The following MYO16 variants were observed in gnomAD, a reference collection of about 807,000 sequenced individuals.
The protein encoded by MYO16 is unconventional myosin-XVI.
In MYO16, 94 loss-of-function variants were observed where a neutral mutation model predicts 205.3. The ratio of observed to expected loss-of-function variants is 0.46; its 90% CI spans 0.39 to 0.54. The LOEUF is 0.54. Among genes scored for constraint, MYO16 ranks in the 20% least tolerant of loss-of-function variants. The probability of loss-of-function intolerance (pLI) is 0.00; values close to 1 mark genes in which losing one functional copy is unlikely to be tolerated. For synonymous variants in MYO16, 988 were observed against 954.0 expected (o/e 1.04, Z -0.66); for missense variants, 2,315 against 2,387.5 (o/e 0.97, Z 0.63).
chr13:108,694,827 A>C (rs1046872421), intron 2 of MYO16, among the ~76,000 whole-genome samples: 9 of 152,188 alleles, frequency 5.9e-5, no homozygotes, highest in Admixed American at 2.6e-4. Flanking sequence ...AGAGTATTAG[A>C]GTTGGCCAGG....
chr13:109,161,054 C>G (rs118072451), intron 32 of MYO16, among the ~76,000 whole-genome samples: 4 of 152,148 alleles, frequency 2.6e-5, no homozygotes, highest in Non-Finnish European at 4.4e-5. Flanking sequence ...GCTGCTTTCA[C>G]GTGTTTGGAT....
chr13:108,612,621 A>G (rs957365385), intron 1 of MYO16, among the ~76,000 whole-genome samples: 35 of 152,112 alleles, frequency 2.3e-4, no homozygotes, highest in African/African-American at 5.8e-4. Flanking sequence ...AAATAAATGG[A>G]CTATAAAGTG....
intron 1 of MYO16, among the ~76,000 whole-genome samples, chr13:108,613,964 C>T (rs1402666129): frequency 1.3e-5 from 2 of 152,046 alleles, no homozygotes; most frequent in Admixed American, 1.3e-4. Context: ...CCATAATGTA[C>T]TGAATGTTCT....
At chr13:108,828,208 C>A (rs432905) in intron 9 of MYO16, among the ~76,000 whole-genome samples, 93,491 of 151,928 alleles carry the variant, frequency 0.62, 29,634 homozygotes, top group Middle Eastern at 0.72. Context: ...CGTGTGCTAA[C>A]TCTGTTATTG....
intron 2 of MYO16, among the ~76,000 whole-genome samples, chr13:108,694,530 T>C (rs952622929): frequency 2.0e-5 from 3 of 152,190 alleles, no homozygotes; most frequent in Non-Finnish European, 4.4e-5. Context: ...ATCTCTTCTT[T>C]AGAGAAAAGT....
chr13:108,651,356 T>G (rs1489769975), intron 1 of MYO16, among the ~76,000 whole-genome samples: 2 of 152,210 alleles, frequency 1.3e-5, no homozygotes, highest in African/African-American at 4.8e-5. Context: ...AACTTCAGTT[T>G]TATTATTACC....
chr13:108,741,010 C>T (rs544326722), intron 4 of MYO16, among the ~76,000 whole-genome samples: 113 of 152,212 alleles, frequency 7.4e-4, no homozygotes, highest in African/African-American at 2.5e-3. Context: ...GGGAGTGACC[C>T]GATTTTCCAG....
intron 21 of MYO16, among the ~76,000 whole-genome samples, chr13:109,008,261 A>G (rs1885464682): frequency 1.3e-5 from 2 of 152,336 alleles, no homozygotes; most frequent in Admixed American, 1.3e-4. Context: ...AAACTGTGTC[A>G]TTGAACAACT....
At chr13:109,107,750 A>G (rs1889160908) in intron 28 of MYO16, among the ~76,000 whole-genome samples, 1 of 150,576 alleles carries the variant, frequency 6.6e-6, no homozygotes. Context: ...AATAAGCATT[A>G]GGAACCTAAG....
chr13:109,120,536 C>A, intron 29 of MYO16, 70 bp downstream of exon 29: 1 of 1,213,846 alleles, frequency 8.2e-7, no homozygotes, highest in Non-Finnish European at 1.2e-6. Context: ...AGTGCATCCC[C>A]AAGTTTAAAT....
intron 4 of MYO16, among the ~76,000 whole-genome samples, chr13:108,735,132 C>T (rs918063216): frequency 6.6e-6 from 1 of 152,050 alleles, no homozygotes; most frequent in African/African-American, 2.4e-5. Context: ...TTTTATTATA[C>T]TTTAAGTTCT....
At chr13:108,806,572 A>G in intron 6 of MYO16, 107 bp from the exon 7 acceptor site, 1 of 917,042 alleles carries the variant, frequency 1.1e-6, no homozygotes, top group Non-Finnish European at 1.6e-6. Context: ...TGGTCTCTGT[A>G]TTTTAGATCC....
chr13:109,129,341 G>C (rs1876420906), intron 31 of MYO16, among the ~76,000 whole-genome samples: 1 of 152,108 alleles, frequency 6.6e-6, no homozygotes, highest in African/African-American at 2.4e-5. Context: ...AGGACAACAA[G>C]AAAATCTGTA....
chr13:108,772,313 GC>G (rs200764434), intron 4 of MYO16, among the ~76,000 whole-genome samples: 2,704 of 152,174 alleles, frequency 0.018, 33 homozygotes, highest in South Asian at 0.035. Flanking sequence ...TAGCACCACT[GC>G]ACTCCAGCCT....
upstream of MYO16, among the ~76,000 whole-genome samples, chr13:108,626,804 C>T (rs1474509404): frequency 6.7e-6 from 1 of 149,062 alleles, no homozygotes; most frequent in African/African-American, 2.5e-5. Flanking sequence ...AACTCCATCT[C>T]AAAAGAGAAA....
At chr13:109,117,353 TATATATA>T (rs1875744249) in intron 28 of MYO16, among the ~76,000 whole-genome samples, 1 of 134,310 alleles carries the variant, frequency 7.4e-6, no homozygotes, top group African/African-American at 3.3e-5. Context: ...GAGATGCAAA[TATATATA>T]ATATGCAAAT....
chr13:108,963,110 C>T (rs751645266), intron 19 of MYO16, among the ~76,000 whole-genome samples: 1 of 152,256 alleles, frequency 6.6e-6, no homozygotes, highest in Non-Finnish European at 1.5e-5. Context: ...TGCATCTCTA[C>T]TCAGTGAACA....
At chr13:109,158,886 C>T (rs1813427177) in intron 32 of MYO16, among the ~76,000 whole-genome samples, 1 of 152,152 alleles carries the variant, frequency 6.6e-6, no homozygotes, top group African/African-American at 2.4e-5. Context: ...TGGAAGAGGC[C>T]TGGGGAAGAT....
At chr13:109,178,913 CTT>C (rs926166114) in intron 33 of MYO16, among the ~76,000 whole-genome samples, 10 of 152,194 alleles carry the variant, frequency 6.6e-5, no homozygotes, top group Admixed American at 2.6e-4. Flanking sequence ...CTCATAGTAA[CTT>C]CGCGTTGTTG....
Sources: gnomAD v4.1 joint callset for allele counts (sites outside exome capture counted in the v4.1 genomes callset) on GRCh38, gnomAD v4.1.1 for gene constraint, MANE v1.5 for transcripts, NCBI Gene and HGNC (gene_info 2026-07-23, HGNC 2026-07-21) for gene names.